The following PHACTR1 variants were observed in gnomAD, a reference collection of about 807,000 sequenced individuals.
PHACTR1 encodes the protein phosphatase and actin regulator 1, also known as RPEL repeat containing 1.
A neutral mutation model predicts 69.2 loss-of-function variants in PHACTR1; 16 were observed. That is an observed-to-expected ratio of 0.23 (90% CI 0.16 to 0.35). The LOEUF (loss-of-function observed/expected upper bound fraction) is 0.35, where lower values mean the gene tolerates loss of function less well. Ranked by LOEUF, PHACTR1 falls within the 10% of genes least tolerant of loss-of-function variation. The probability of loss-of-function intolerance (pLI) is 1.00; values close to 1 mark genes in which losing one functional copy is unlikely to be tolerated. For synonymous variants in PHACTR1, 312 were observed against 284.5 expected (o/e 1.10, Z -0.97); for missense variants, 510 against 734.7 (o/e 0.69, Z 3.54).
intron 4 of PHACTR1, among the ~76,000 whole-genome samples, chr6:12,838,911 G>A (rs1778429146): frequency 6.6e-6 from 1 of 152,030 alleles, no homozygotes; most frequent in South Asian, 2.1e-4. Flanking sequence ...AAAATGTTGG[G>A]GTCTTTAAAT....
intron 12 of PHACTR1, chr6:13,281,363 G>A (rs567847706): frequency 1.2e-5 from 4 of 332,576 alleles, no homozygotes; most frequent in African/African-American, 8.7e-5. Context: ...AGAGCAGTCT[G>A]GGCAATATGG....
intron 4 of PHACTR1, among the ~76,000 whole-genome samples, chr6:12,750,182 A>G (rs1766428092): frequency 6.6e-6 from 1 of 152,214 alleles, no homozygotes; most frequent in African/African-American, 2.4e-5. Context: ...TGTTGGTGAC[A>G]TTCAGACTCT....
intron 5 of PHACTR1, among the ~76,000 whole-genome samples, chr6:13,113,817 C>T (rs1263080881): frequency 6.6e-6 from 1 of 152,166 alleles, no homozygotes; most frequent in East Asian, 1.9e-4. Context: ...AAGGAACCAA[C>T]TACTATTATT....
chr6:13,051,105 G>A (rs1367080515), intron 4 of PHACTR1, among the ~76,000 whole-genome samples: 1 of 151,940 alleles, frequency 6.6e-6, no homozygotes, highest in Non-Finnish European at 1.5e-5. Context: ...GTACCTTCTC[G>A]ATCAGGCCGA....
intron 4 of PHACTR1, chr6:12,934,070 G>C (rs6458545): frequency 0.38 from 477,707 of 1,272,886 alleles, 97,613 homozygotes; most frequent in African/African-American, 0.78. Flanking sequence ...TGGGGCCACG[G>C]TCCTTTTGCA....
In PHACTR1 at chr6:12,835,005, G is replaced by A. The variant is rs1223640487; in HGVS notation, c.250+85215G>A. On this transcript the variant is annotated intron_variant, in intron 4 of 14. Coordinates refer to ENST00000332995, the MANE Select transcript of PHACTR1 (RefSeq NM_030948.6). The stretch of plus-strand genomic sequence containing the variant: ...TGCCTCACAACCAATTAACAATGAA[G>A]ATAATTCAGAAAAAGGGAGCAATGA... Among the ~76,000 whole-genome samples, 4 of 152,124 alleles carry A rather than the reference G, an allele frequency of 2.6e-5. No homozygotes were observed. The East Asian group carries it at 7.7e-4, about 29-fold the overall frequency.
intron 4 of PHACTR1, among the ~76,000 whole-genome samples, chr6:13,036,207 T>C: frequency 6.6e-6 from 1 of 151,918 alleles, no homozygotes; most frequent in East Asian, 1.9e-4. Context: ...ATCACCCAAA[T>C]AGAACCACTG....
chr6:13,003,423 G>T (rs1798325970), intron 4 of PHACTR1, among the ~76,000 whole-genome samples: 2 of 151,956 alleles, frequency 1.3e-5, no homozygotes, highest in Admixed American at 6.6e-5. Context: ...TAGAGTATTT[G>T]TTTCAGTACT....
intron 4 of PHACTR1, among the ~76,000 whole-genome samples, chr6:12,973,483 A>T (rs1794476002): frequency 6.6e-6 from 1 of 152,242 alleles, no homozygotes; most frequent in East Asian, 1.9e-4. Flanking sequence ...AGGAATGTGG[A>T]AATGTGGACA....
At chr6:12,719,532 G>A (rs1761841047) in intron 3 of PHACTR1, among the ~76,000 whole-genome samples, 1 of 151,758 alleles carries the variant, frequency 6.6e-6, no homozygotes, top group Non-Finnish European at 1.5e-5. Flanking sequence ...CATATTTTCT[G>A]TTTTCCATGA....
At chr6:12,935,624 C>T (rs549271877) in intron 4 of PHACTR1, among the ~76,000 whole-genome samples, 13 of 146,488 alleles carry the variant, frequency 8.9e-5, no homozygotes, top group Admixed American at 6.3e-4. Flanking sequence ...TTATGGTATG[C>T]CCACGTGTGT....
intron 6 of PHACTR1, among the ~76,000 whole-genome samples, chr6:13,165,728 G>A (rs1362437291): frequency 1.3e-5 from 2 of 152,110 alleles, no homozygotes; most frequent in South Asian, 2.1e-4. Context: ...CGAAGTGACC[G>A]AGTGGCTCAA....
intron 4 of PHACTR1, among the ~76,000 whole-genome samples, chr6:12,944,025 T>C (rs1321611668): frequency 6.6e-6 from 1 of 152,238 alleles, no homozygotes; most frequent in Non-Finnish European, 1.5e-5. Flanking sequence ...AAACTGCATG[T>C]GGGATTAATT....
chr6:13,008,831 A>G (rs1208992298), intron 4 of PHACTR1, among the ~76,000 whole-genome samples: 1 of 152,276 alleles, frequency 6.6e-6, no homozygotes, highest in South Asian at 2.1e-4. Flanking sequence ...TAATAAGAAT[A>G]TCACATATTG....
intron 4 of PHACTR1, among the ~76,000 whole-genome samples, chr6:13,043,422 A>C (rs1804503216): frequency 6.6e-6 from 1 of 151,708 alleles, no homozygotes; most frequent in African/African-American, 2.4e-5. Context: ...GTGAGATTAC[A>C]TCTCAAAAAA....
intron 4 of PHACTR1, among the ~76,000 whole-genome samples, chr6:12,823,209 A>T (rs1265630801): frequency 6.6e-6 from 1 of 152,212 alleles, no homozygotes; most frequent in African/African-American, 2.4e-5. Flanking sequence ...AATGGGAAGA[A>T]TAAGTCACTT....
intron 4 of PHACTR1, among the ~76,000 whole-genome samples, chr6:12,847,544 G>A (rs1779412966): frequency 6.6e-6 from 1 of 151,904 alleles, no homozygotes; most frequent in South Asian, 2.1e-4. Flanking sequence ...ATTGATTTTA[G>A]TATTAGTATT....
chr6:13,141,295 T>A (rs1490484271), intron 5 of PHACTR1, among the ~76,000 whole-genome samples: 1 of 152,150 alleles, frequency 6.6e-6, no homozygotes, highest in Non-Finnish European at 1.5e-5. Flanking sequence ...TCAAATCAAC[T>A]GGGGGTCAGT....
At chr6:13,044,041 A>G (rs773707865) in intron 4 of PHACTR1, among the ~76,000 whole-genome samples, 1 of 152,180 alleles carries the variant, frequency 6.6e-6, no homozygotes, top group African/African-American at 2.4e-5. Flanking sequence ...GAATTTTGAT[A>G]ATAACATCTA....
Sources: allele counts gnomAD v4.1 joint callset (sites outside exome capture counted in the v4.1 genomes callset), GRCh38; gene constraint gnomAD v4.1.1; transcripts MANE v1.5; gene names NCBI Gene and HGNC (gene_info 2026-07-23, HGNC 2026-07-21).